Variants in MYCN observed in about 807,000 individuals in gnomAD.
MYCN encodes N-myc proto-oncogene protein.
A neutral mutation model predicts 28.1 loss-of-function variants in MYCN; 3 were observed. The ratio of observed to expected loss-of-function variants is 0.11; its 90% confidence interval spans 0.05 to 0.28. The LOEUF is 0.28. MYCN is among the 10% of genes least tolerant of loss of function. The probability of loss-of-function intolerance (pLI) is 1.00; values close to 1 mark genes in which losing one functional copy is unlikely to be tolerated. For synonymous variants in MYCN, 326 were observed against 288.3 expected (o/e 1.13, Z -1.32); for missense variants, 572 against 651.4 (o/e 0.88, Z 1.33).
In MYCN at chr2:15,946,347, CGGTT is replaced by C. The variant is rs1662874130; in HGVS notation, c.*253_*256del. 1 of 552,492 alleles carries C rather than the reference CGGTT, an allele frequency of 1.8e-6. No homozygotes were observed. The highest frequency in any genetic ancestry group is 2.0e-5 in the South Asian group (1 of 49,194). 34.2% of individuals were successfully genotyped at this position (552,492 alleles called of 1,614,324 possible). Reference sequence around the variant, plus strand: ...CCATGACAGCGCTAAACGTTGGTGACGGTTGGGAGCCTCTGGGGCTGTTGAAGTC... The same window carrying C: ...CCATGACAGCGCTAAACGTTGGTGACGGGAGCCTCTGGGGCTGTTGAAGTC... On this transcript the variant is annotated 3_prime_UTR_variant, in exon 3 of 3. Transcript: ENST00000281043.
At position 15,945,808 on chromosome 2, in the gene MYCN, G is replaced by C. The variant is rs1454021215; in HGVS notation, c.1106G>C (p.Ser369Thr). Residue 369 changes from serine (S) to threonine (T), a missense_variant, in exon 3 of 3, where the codon AGC becomes ACC. Coordinates refer to ENST00000281043, the MANE Select transcript of MYCN (RefSeq NM_005378.6). This position sits in a 1 kb window ranked among gnomAD's most constrained non-coding sequence, Gnocchi z 4.8. ...AGTGTCATCCCCCCAAAGGCTAAGA[G>C]CTTGAGCCCCCGAAACTCTGACTCG... ...LKSVIPPKAK[S>T]LSPRNSDSED... 8.7e-6 allele frequency: 14 copies of C among 1,613,930 alleles called. No homozygotes were observed. In the Admixed American group the frequency reaches 1.2e-4, roughly 13 times the overall value.
rs969684746 is a variant in MYCN at position 15,946,409 on chromosome 2, A to T, written c.*312A>T. The T allele has an allele frequency of 2.6e-5, 12 of 459,946 alleles. No homozygotes were observed. The highest frequency in any genetic ancestry group is 4.8e-5 in the Non-Finnish European group (12 of 249,962). The allele number at this position is 459,946 out of a possible 1,614,324, so 28.5% of individuals were successfully genotyped here. A position where few individuals can be genotyped will look rare whatever the true frequency, so the allele number is the denominator to read the frequency against. ...GTGTTCCAAGTTTCCAAACAACAGA[A>T]AGTCATTCCTTCTTTTTAAAATGGT... On this transcript the variant is annotated 3_prime_UTR_variant, in exon 3 of 3. Transcript: ENST00000281043.
intron 2 of MYCN, among the ~76,000 whole-genome samples, chr2:15,943,079 C>T (rs192201711): frequency 1.5e-3 from 223 of 152,356 alleles, no homozygotes; most frequent in Admixed American, 0.012. Flanking sequence ...ACTAAAGTTC[C>T]TTCCACCCTC....
intron 2 of MYCN, among the ~76,000 whole-genome samples, chr2:15,944,390 A>G (rs745791271): frequency 6.6e-6 from 1 of 152,146 alleles, no homozygotes; most frequent in Non-Finnish European, 1.5e-5. Context: ...CTTTGAGGAG[A>G]GCTGCTCCCA....
rs1195809756 is a variant in MYCN at position 15,942,839 on chromosome 2, A to G, written c.775A>G (p.Thr259Ala). ...HKALSTSGED[T>A]LSDSDDEDDE... ...GGCCCTCAGTACCTCCGGAGAGGAC[A>G]CCCTGAGCGATTCAGGTAAAGACCG... is the stretch of plus-strand genomic sequence containing the variant. Residue 259 changes from threonine (T) to alanine (A), a missense_variant, in exon 2 of 3, where the codon ACC becomes GCC. Physicochemically the swap from Thr to Ala is moderately conservative, Grantham distance 58. Coordinates refer to ENST00000281043, the MANE Select transcript of MYCN (RefSeq NM_005378.6). The surrounding 1 kb of genome is among the most constrained non-coding windows in gnomAD (Gnocchi z 7.0). 1.3e-6 allele frequency: 2 copies of G among 1,584,306 alleles called. No homozygotes were observed. The highest frequency in any genetic ancestry group is 8.5e-7 in the Non-Finnish European group (1 of 1,172,474).
At chr2:15,944,879 A>G (rs1397008187) in intron 2 of MYCN, among the ~76,000 whole-genome samples, 1 of 152,220 alleles carries the variant, frequency 6.6e-6, no homozygotes, top group African/African-American at 2.4e-5. Flanking sequence ...CAAGTTCTTT[A>G]TATTTATTTC....
chr2:15,945,954 G>A lies in MYCN; in HGVS notation c.1252G>A (p.Ala418Thr), dbSNP rs760647298. 4 of 1,614,094 alleles carry A rather than the reference G, an allele frequency of 2.5e-6. No individual in the cohort carries two copies. Among genetic ancestry groups the A allele is most frequent in the Non-Finnish European group, 3.4e-6 (4 of 1,180,038 alleles). ...VPELVKNEKAAKVVILKKATE... is the reference protein window; with the variant it reads ...VPELVKNEKATKVVILKKATE... ...GGAGTTGGTAAAGAATGAGAAGGCC[G>A]CCAAGGTGGTCATTTTGAAAAAGGC... The change falls in exon 3 of 3, where the codon GCC (alanine) becomes ACC (threonine). Residue 418 changes from alanine (A) to threonine (T), a missense_variant. Coordinates refer to ENST00000281043, the MANE Select transcript of MYCN (RefSeq NM_005378.6). This position sits in a 1 kb window ranked among gnomAD's most constrained non-coding sequence, Gnocchi z 4.8.
Position 15,942,082 on chromosome 2 carries a change from G to A in MYCN, c.18G>A (p.Thr6=), listed in dbSNP as rs199929021. 1,286 of 1,613,752 alleles carry A rather than the reference G, an allele frequency of 8.0e-4. 1 individual carries two copies. The highest frequency in any genetic ancestry group is 1.0e-3 in the Non-Finnish European group (1,218 of 1,179,990). The change falls in exon 2 of 3, where the codon ACG becomes ACA. Residue 6 remains threonine (T), a synonymous_variant. Coordinates refer to ENST00000281043, the MANE Select transcript of MYCN (RefSeq NM_005378.6). The surrounding 1 kb of genome is among the most constrained non-coding windows in gnomAD (Gnocchi z 7.0). MPSCS[T]STMPGMICKN... is the part of the protein sequence containing the mutation. ...GCGAGCCGATGCCGAGCTGCTCCAC[G>A]TCCACCATGCCGGGCATGATCTGCA...
At position 15,942,778 on chromosome 2, in the gene MYCN, C is replaced by G. The variant is rs761085679; in HGVS notation, c.714C>G (p.Arg238=). Residue 238 remains arginine, a synonymous_variant, in exon 2 of 3, where the codon CGC becomes CGG. Transcript: ENST00000281043. The surrounding 1 kb of genome is among the most constrained non-coding windows in gnomAD (Gnocchi z 7.0). ...GGGCCCCGGGGGTCGCCCCTCCGCG[C>G]CCAGGCGGCCGCCAGACCAGCGGCG... The part of the protein sequence containing the change: ...PAGAPGVAPP[R]PGGRQTSGGD... 12 of 1,478,774 alleles carry G rather than the reference C, an allele frequency of 8.1e-6. No individual in the cohort carries two copies. Among genetic ancestry groups the G allele is most frequent in the Non-Finnish European group, 9.8e-6 (11 of 1,117,232 alleles). 91.6% of individuals were successfully genotyped at this position (1,478,774 alleles called of 1,614,324 possible).
Position 15,942,023 on chromosome 2 carries a change from G to A in MYCN, c.-42G>A. ...AGCACCCCCGGTATTAAAACGAACG[G>A]GGCGGAAAGAAGCCCTCAGTCGCCG... On this transcript the variant is annotated 5_prime_UTR_variant, in exon 2 of 3. Coordinates refer to ENST00000281043, the MANE Select transcript of MYCN (RefSeq NM_005378.6). The surrounding 1 kb of genome is among the most constrained non-coding windows in gnomAD (Gnocchi z 7.0). The A allele has an allele frequency of 6.2e-7, 1 of 1,612,312 alleles. No homozygotes were observed.
At chr2:15,944,254 G>A (rs1662798668) in intron 2 of MYCN, among the ~76,000 whole-genome samples, 4 of 152,136 alleles carry the variant, frequency 2.6e-5, no homozygotes, top group Admixed American at 2.6e-4. Context: ...CAGAAGATAT[G>A]TTTTGATTTT....
chr2:15,941,256 C>T lies in MYCN; in HGVS notation c.-118+513C>T, dbSNP rs905248161. 1 of 152,622 alleles carries T rather than the reference C, an allele frequency of 6.6e-6. No homozygotes were observed. Among genetic ancestry groups the T allele is most frequent in the Non-Finnish European group, 1.5e-5 (1 of 68,340 alleles). The allele number at this position is 152,622 out of a possible 1,614,324, so 9.5% of individuals were successfully genotyped here. Reference sequence around the variant, plus strand: ...GGAACAGGGGCTCAGCCTCTCCCTCCCTGGAAGAGGACGTTGTCGTGGGTT... The same window carrying T: ...GGAACAGGGGCTCAGCCTCTCCCTCTCTGGAAGAGGACGTTGTCGTGGGTT... On this transcript the variant is annotated intron_variant, in intron 1 of 2. Coordinates refer to ENST00000281043, the MANE Select transcript of MYCN (RefSeq NM_005378.6). This position sits in a 1 kb window ranked among gnomAD's most constrained non-coding sequence, Gnocchi z 4.8.
chr2:15,943,709 G>C (rs758815119), intron 2 of MYCN, among the ~76,000 whole-genome samples: 1 of 152,204 alleles, frequency 6.6e-6, no homozygotes, highest in South Asian at 2.1e-4. Flanking sequence ...AGTTGTATCT[G>C]TAACCCAGTG....
chr2:15,943,187 T>G (rs1290363000), intron 2 of MYCN, among the ~76,000 whole-genome samples: 1 of 152,042 alleles, frequency 6.6e-6, no homozygotes, highest in East Asian at 1.9e-4. Context: ...AGAAAGTTGG[T>G]GGCTAAACCG....
At position 15,946,111 on chromosome 2, in the gene MYCN, C is replaced by T. The variant is rs2103332307; in HGVS notation, c.*14C>T. ...CGGACTTGCTAGACGCTTCTCAAAA[C>T]TGGACAGTCACTGCCACTTTGCACA... On this transcript the variant is annotated 3_prime_UTR_variant, in exon 3 of 3. Coordinates refer to ENST00000281043, the MANE Select transcript of MYCN (RefSeq NM_005378.6). 2.5e-6 allele frequency: 4 copies of T among 1,614,126 alleles called. No homozygotes were observed. Among genetic ancestry groups the T allele is most frequent in the Non-Finnish European group, 3.4e-6 (4 of 1,180,048 alleles).
At position 15,942,566 on chromosome 2, in the gene MYCN, G is replaced by A; in HGVS notation, c.502G>A (p.Ala168Thr). Residue 168 changes from alanine to threonine, a missense_variant, in exon 2 of 3, where the codon GCC becomes ACC. By Grantham distance (58) the Ala-to-Thr change is moderately conservative. Transcript: ENST00000281043. The surrounding 1 kb of genome is among the most constrained non-coding windows in gnomAD (Gnocchi z 7.0). ...AGRGHGGAAGAGRAGAALPAE... is the reference protein window; with the variant it reads ...AGRGHGGAAGTGRAGAALPAE... ...TCGCGGGCACGGCGGGGCTGCGGGA[G>A]CCGGCCGCGCCGGGGCCGCCCTGCC... The A allele has an allele frequency of 1.8e-6, 2 of 1,093,488 alleles. No homozygotes were observed. Among genetic ancestry groups the A allele is most frequent in the Non-Finnish European group, 2.2e-6 (2 of 902,046 alleles). 67.7% of individuals were successfully genotyped at this position (1,093,488 alleles called of 1,614,324 possible). A position where few individuals can be genotyped will look rare whatever the true frequency, so the allele number is the denominator to read the frequency against.
In MYCN at chr2:15,942,257, C is replaced by T. The variant is rs1379299556; in HGVS notation, c.193C>T (p.Arg65Cys). Residue 65 changes from arginine to cysteine, a missense_variant, in exon 2 of 3, where the codon CGT (arginine) becomes TGT (cysteine). This residue lies in a region of MYCN where 499 missense variants were observed against 524.3 expected (regional missense o/e 0.95). Transcript: ENST00000281043. This position sits in a 1 kb window ranked among gnomAD's most constrained non-coding sequence, Gnocchi z 7.0. Reference protein sequence around the residue: ...LLPTPPLSPSRGFAEHSSEPP... With the variant: ...LLPTPPLSPSCGFAEHSSEPP... ...GCCCACGCCCCCGCTGTCGCCCAGCCGTGGCTTCGCGGAGCACAGCTCCGA... is the reference window on the plus strand; with the variant it reads ...GCCCACGCCCCCGCTGTCGCCCAGCTGTGGCTTCGCGGAGCACAGCTCCGA... The T allele has an allele frequency of 1.2e-6, 2 of 1,612,542 alleles. No individual in the cohort carries two copies. Among genetic ancestry groups the T allele is most frequent in the Admixed American group, 1.7e-5 (1 of 59,944 alleles).
chr2:15,941,958 C>T lies in MYCN; in HGVS notation c.-107C>T. The T allele has an allele frequency of 1.4e-6, 2 of 1,422,024 alleles. No homozygotes were observed. The highest frequency in any genetic ancestry group is 1.9e-6 in the Non-Finnish European group (2 of 1,036,680). The allele number at this position is 1,422,024 out of a possible 1,614,324, so 88.1% of individuals were successfully genotyped here. ...GTCTGTCGGTTGCAGTGTTGGAGGT[C>T]GGCGCCGGCCCCCGCCTTCCGCGCC... On this transcript the variant is annotated 5_prime_UTR_variant, in exon 2 of 3. Transcript: ENST00000281043. This position sits in a 1 kb window ranked among gnomAD's most constrained non-coding sequence, Gnocchi z 4.8.
Position 15,942,155 on chromosome 2 carries a change from G to A in MYCN, c.91G>A (p.Asp31Asn), listed in dbSNP as rs2103323544. ...CTCGCTACAGCCCTGCTTCTACCCG[G>A]ACGAAGATGACTTCTACTTCGGCGG... ...FDSLQPCFYP[D>N]EDDFYFGGPD... The change falls in exon 2 of 3, where the codon GAC (aspartate) becomes AAC (asparagine). Residue 31 changes from aspartate (D) to asparagine (N), a missense_variant. Coordinates refer to ENST00000281043, the MANE Select transcript of MYCN (RefSeq NM_005378.6). This position sits in a 1 kb window ranked among gnomAD's most constrained non-coding sequence, Gnocchi z 7.0. 20 of 1,613,938 alleles carry A rather than the reference G, an allele frequency of 1.2e-5. No individual in the cohort carries two copies. The highest frequency in any genetic ancestry group is 1.7e-5 in the Non-Finnish European group (20 of 1,180,020).
Sources: gnomAD v4.1 joint callset for allele counts (sites outside exome capture counted in the v4.1 genomes callset) on GRCh38, gnomAD v4.1.1 for gene constraint, gnomAD v4.1.1 regional missense constraint, Gnocchi (gnomAD v3.1) non-coding constraint, MANE v1.5 for transcripts, NCBI Gene and HGNC (gene_info 2026-07-23, HGNC 2026-07-21) for gene names.